PRKN: variants seen among roughly 807,000 people sequenced by gnomAD.
PRKN encodes E3 ubiquitin-protein ligase parkin.
Under a neutral mutation model 59.5 loss-of-function variants are expected in PRKN, and 56 were observed. The observed-to-expected ratio is 0.94, with a 90% CI of 0.76 to 1.18. PRKN has a LOEUF of 1.18. PRKN is among the 50% of genes most tolerant of loss of function. PRKN has a pLI of 0.00. For missense variants in PRKN, 657 were observed against 596.4 expected (o/e 1.10, Z -1.06); for synonymous variants, 250 against 222.1 (o/e 1.13, Z -1.12).
rs1745833245 is a variant in PRKN, at chr6:161,459,978, A to G, written c.1084-73101T>C. On this transcript the variant is annotated intron_variant, in intron 9 of 11. Transcript: ENST00000366898. This position sits in a 1 kb window ranked among gnomAD's most constrained non-coding sequence, Gnocchi z 4.8. ...AAAATCTATTTATCCATCAAATCAC[A>G]TATGCTTCTTTCCTTTAATTCAACT... Among the ~76,000 whole-genome samples, 1 of 152,176 alleles carries G rather than the reference A, an allele frequency of 6.6e-6. No homozygotes were observed. Among genetic ancestry groups the G allele is most frequent in the Admixed American group, 6.5e-5 (1 of 15,280 alleles).
intron 1 of PRKN, among the ~76,000 whole-genome samples, chr6:162,662,060 T>C (rs1778906119): frequency 6.6e-6 from 1 of 152,128 alleles, no homozygotes; most frequent in Non-Finnish European, 1.5e-5. Context: ...CAAGCTTATA[T>C]ATATCTGCAA....
chr6:161,353,334 C>T lies in PRKN; in HGVS notation c.1286-3123G>A, dbSNP rs544123163. Among the ~76,000 whole-genome samples the T allele has an allele frequency of 2.0e-5, 3 of 152,170 alleles. No homozygotes were observed. Among genetic ancestry groups the T allele is most frequent in the Non-Finnish European group, 4.4e-5 (3 of 68,036 alleles). On this transcript the variant is annotated intron_variant, in intron 11 of 11. Coordinates refer to ENST00000366898, the MANE Select transcript of PRKN (RefSeq NM_004562.3). This position sits in a 1 kb window ranked among gnomAD's most constrained non-coding sequence, Gnocchi z 4.8. Reference sequence around the variant, plus strand: ...CCATCCCCTGGAGGAAGGAATGCTGCACAGGGAGGCCAAGAAGAATCTAGA... The same window carrying T: ...CCATCCCCTGGAGGAAGGAATGCTGTACAGGGAGGCCAAGAAGAATCTAGA...
chr6:162,173,390 T>C (rs1376330614), intron 4 of PRKN, among the ~76,000 whole-genome samples: 3 of 152,156 alleles, frequency 2.0e-5, no homozygotes, highest in Non-Finnish European at 4.4e-5. Context: ...TGTTAGACAA[T>C]TCATTGTTCT....
At chr6:162,014,235 G>A (rs865881834) in intron 5 of PRKN, among the ~76,000 whole-genome samples, 30 of 152,296 alleles carry the variant, frequency 2.0e-4, no homozygotes, top group Middle Eastern at 3.4e-3. Context: ...CATTTCAGGC[G>A]GAGCATGGGC....
At chr6:162,374,806 G>C (rs1446466613) in intron 2 of PRKN, among the ~76,000 whole-genome samples, 3 of 151,992 alleles carry the variant, frequency 2.0e-5, no homozygotes, top group African/African-American at 4.8e-5. Context: ...ATGACTATTA[G>C]GAAGATAATA....
At chr6:162,606,758 C>T (rs1781936399) in intron 1 of PRKN, among the ~76,000 whole-genome samples, 1 of 152,148 alleles carries the variant, frequency 6.6e-6, no homozygotes. Context: ...ACTCTGTCAC[C>T]AAGGCTGGGG....
At chr6:162,458,251 A>C (rs1386400958) in intron 1 of PRKN, among the ~76,000 whole-genome samples, 3 of 82,820 alleles carry the variant, frequency 3.6e-5, no homozygotes, top group Non-Finnish European at 7.2e-5. Flanking sequence ...GTGAGACTCT[A>C]TCTCAAAAAA....
chr6:161,785,652 A>C, intron 7 of PRKN, 120 bp downstream of exon 7: 1 of 924,674 alleles, frequency 1.1e-6, no homozygotes, highest in Non-Finnish European at 1.7e-6. Context: ...CATATCCAGC[A>C]ATGATCAAAT....
At chr6:161,351,506 G>A (rs149139900) in intron 11 of PRKN, among the ~76,000 whole-genome samples, 16 of 151,854 alleles carry the variant, frequency 1.1e-4, no homozygotes, top group South Asian at 6.2e-4. Context: ...TGAATTTTTC[G>A]TAGAGACAGG....
intron 9 of PRKN, among the ~76,000 whole-genome samples, chr6:161,416,867 C>T (rs569019278): frequency 6.6e-6 from 1 of 152,274 alleles, no homozygotes; most frequent in African/African-American, 2.4e-5. Flanking sequence ...CCCATCTAGA[C>T]GTCCAGCAGA....
intron 2 of PRKN, among the ~76,000 whole-genome samples, chr6:162,366,138 T>C (rs1785425380): frequency 6.6e-6 from 1 of 152,260 alleles, no homozygotes; most frequent in Admixed American, 6.5e-5. Flanking sequence ...TGCAGTTTTA[T>C]AATGCCAATT....
At chr6:162,398,036 CA>C (rs10707854) in intron 2 of PRKN, among the ~76,000 whole-genome samples, 18,301 of 83,614 alleles carry the variant, frequency 0.22, 1,301 homozygotes, top group African/African-American at 0.32. Context: ...GATTCTGACT[CA>C]AAAAAAAAAA....
intron 2 of PRKN, among the ~76,000 whole-genome samples, chr6:162,300,543 C>T (rs1403302713): frequency 6.6e-6 from 1 of 151,840 alleles, no homozygotes; most frequent in East Asian, 1.9e-4. Flanking sequence ...TTCTTTAAAC[C>T]TTTCACCTGG....
intron 1 of PRKN, among the ~76,000 whole-genome samples, chr6:162,595,456 A>G (rs1236608556): frequency 1.3e-5 from 2 of 151,736 alleles, no homozygotes; most frequent in Non-Finnish European, 2.9e-5. Flanking sequence ...GGTTTTCTCC[A>G]TGTTGGCCAA....
At chr6:162,364,879 T>G (rs1287844133) in intron 2 of PRKN, among the ~76,000 whole-genome samples, 3 of 151,980 alleles carry the variant, frequency 2.0e-5, no homozygotes, top group Admixed American at 2.0e-4. Flanking sequence ...TACAATCTAA[T>G]ACTTATACGC....
chr6:161,982,276 C>T (rs573180875), intron 5 of PRKN, among the ~76,000 whole-genome samples: 4 of 125,662 alleles, frequency 3.2e-5, no homozygotes, highest in East Asian at 1.9e-4. Flanking sequence ...AATGGAAGAA[C>T]ATTCCATGCT....
At chr6:161,636,349 G>A (rs973737704) in intron 7 of PRKN, among the ~76,000 whole-genome samples, 4 of 152,202 alleles carry the variant, frequency 2.6e-5, no homozygotes, top group African/African-American at 9.6e-5. Context: ...GGAGCAGCGG[G>A]CAAGGCTCTC....
At chr6:162,145,271 T>C (rs767948446) in intron 4 of PRKN, among the ~76,000 whole-genome samples, 1 of 152,194 alleles carries the variant, frequency 6.6e-6, no homozygotes. Flanking sequence ...CAACAGTTCG[T>C]ACCAGTGTTC....
At chr6:161,948,117 C>T (rs1174230868) in intron 6 of PRKN, among the ~76,000 whole-genome samples, 1 of 152,084 alleles carries the variant, frequency 6.6e-6, no homozygotes, top group Non-Finnish European at 1.5e-5. Flanking sequence ...TCCCAAGTAG[C>T]TGGGATTACA....
Sources: allele counts gnomAD v4.1 joint callset (sites outside exome capture counted in the v4.1 genomes callset), GRCh38; gene constraint gnomAD v4.1.1; non-coding constraint Gnocchi (gnomAD v3.1); transcripts MANE v1.5; gene names NCBI Gene and HGNC (gene_info 2026-07-23, HGNC 2026-07-21).